The following DDX10 variants were observed in gnomAD, a reference collection of about 807,000 sequenced individuals.
DDX10 encodes DEAD-box helicase 10.
In DDX10, 74 loss-of-function variants were observed where a neutral mutation model predicts 104.3. That is an observed-to-expected ratio of 0.71 (90% CI 0.59 to 0.86). The LOEUF (loss-of-function observed/expected upper bound fraction) is 0.86, where lower values mean the gene tolerates loss of function less well. DDX10 is among the 40% of genes least tolerant of loss of function. DDX10 has a pLI of 0.00. For missense variants in DDX10, 952 were observed against 1,040.0 expected, an observed-to-expected ratio of 0.92 and a Z score of 1.16; for synonymous variants, 351 against 353.4, an observed-to-expected ratio of 0.99 and a Z score of 0.08.
intron 6 of DDX10, among the ~76,000 whole-genome samples, chr11:108,681,744 G>C (rs2094235564): frequency 6.6e-6 from 1 of 152,148 alleles, no homozygotes; most frequent in Admixed American, 6.5e-5. Context: ...ATGCCTTTGG[G>C]CCATAGCAAT....
intron 13 of DDX10, among the ~76,000 whole-genome samples, chr11:108,834,739 A>G (rs1281307467): frequency 1.3e-5 from 2 of 152,034 alleles, no homozygotes; most frequent in African/African-American, 2.4e-5. Context: ...CATCCTGGCT[A>G]ACACAGTGAA....
intron 16 of DDX10, among the ~76,000 whole-genome samples, chr11:108,917,165 C>T (rs933665663): frequency 1.4e-4 from 21 of 151,022 alleles, no homozygotes; most frequent in African/African-American, 4.4e-4. Flanking sequence ...GTCTGGCACA[C>T]GAGATCTTCC....
intron 13 of DDX10, among the ~76,000 whole-genome samples, chr11:108,752,151 C>T (rs892241501): frequency 3.3e-5 from 5 of 152,048 alleles, no homozygotes; most frequent in East Asian, 3.9e-4. Context: ...GTACTGACGT[C>T]GTGAAGTTAC....
chr11:108,790,208 C>T lies in DDX10; in HGVS notation c.1966-48238C>T, dbSNP rs1040544612. 3.3e-5 allele frequency among the ~76,000 whole-genome samples: 5 copies of T among 152,226 alleles called. No homozygotes were observed. The East Asian group carries it at 7.7e-4, about 23-fold the overall frequency. The stretch of plus-strand genomic sequence containing the variant: ...GATGATGTAAGGTTTTTAAAAATTT[C>T]GCTTATTCTTTGACTTCATGTATGT... On this transcript the variant is annotated intron_variant, in intron 13 of 17. Coordinates refer to ENST00000322536, the MANE Select transcript of DDX10 (RefSeq NM_004398.4).
intron 14 of DDX10, among the ~76,000 whole-genome samples, chr11:108,838,781 GAC>G (rs572448734): frequency 1.8e-4 from 28 of 152,302 alleles, no homozygotes; most frequent in African/African-American, 6.5e-4. Context: ...TGGTAATACT[GAC>G]ACAGAGTTGG....
chr11:108,790,659 A>G (rs1366944642), intron 13 of DDX10, among the ~76,000 whole-genome samples: 1 of 152,168 alleles, frequency 6.6e-6, no homozygotes, highest in Admixed American at 6.5e-5. Context: ...AGGTGTACTC[A>G]GATGCATGCA....
At chr11:108,750,229 A>G (rs576629940) in intron 13 of DDX10, among the ~76,000 whole-genome samples, 1 of 152,260 alleles carries the variant, frequency 6.6e-6, no homozygotes, top group African/African-American at 2.4e-5. Flanking sequence ...GCTAACCTCA[A>G]AGGTTTTTTA....
At chr11:108,731,998 C>CT (rs1445257328) in intron 13 of DDX10, among the ~76,000 whole-genome samples, 1 of 152,142 alleles carries the variant, frequency 6.6e-6, no homozygotes, top group Non-Finnish European at 1.5e-5. Context: ...AGGGAACTGG[C>CT]TTTGTTACTT....
In DDX10 at chr11:108,812,586, C is replaced by G. The variant is rs527979195; in HGVS notation, c.1966-25860C>G. Reference sequence around the variant, plus strand: ...CTTAGATATTATTACTCTTTATCAACTTATGCATGTTCTTCTGTAACTGTT... The same window carrying G: ...CTTAGATATTATTACTCTTTATCAAGTTATGCATGTTCTTCTGTAACTGTT... On this transcript the variant is annotated intron_variant, in intron 13 of 17. Transcript: ENST00000322536. Among the ~76,000 whole-genome samples the G allele has an allele frequency of 4.6e-5, 7 of 152,234 alleles. No homozygotes were observed. The South Asian group carries it at 1.2e-3, about 27-fold the overall frequency.
intron 16 of DDX10, among the ~76,000 whole-genome samples, chr11:108,882,335 C>T (rs1350498249): frequency 3.3e-5 from 5 of 152,164 alleles, no homozygotes; most frequent in South Asian, 2.1e-4. Context: ...AGATAACTCT[C>T]GACGCCAGGG....
chr11:108,861,838 A>G (rs1862945214), intron 16 of DDX10, among the ~76,000 whole-genome samples: 1 of 152,190 alleles, frequency 6.6e-6, no homozygotes, highest in African/African-American at 2.4e-5. Flanking sequence ...CCTGGGCAAC[A>G]TGGTTAAACC....
chr11:108,919,606 T>C (rs1025680236), intron 17 of DDX10: 2 of 152,248 alleles, frequency 1.3e-5, no homozygotes. Context: ...TCCATGTAAC[T>C]TGACTCCCTG....
intron 13 of DDX10, chr11:108,822,374 C>A: frequency 2.5e-6 from 1 of 401,370 alleles, no homozygotes; most frequent in Non-Finnish European, 5.0e-6. Flanking sequence ...ATCAAGTCTG[C>A]CCTTTCTGCC....
chr11:108,813,359 T>C (rs547575229), intron 13 of DDX10, among the ~76,000 whole-genome samples: 81 of 152,334 alleles, frequency 5.3e-4, no homozygotes, highest in African/African-American at 1.9e-3. Flanking sequence ...CCTTTACATG[T>C]CTTATTTTAT....
intron 13 of DDX10, among the ~76,000 whole-genome samples, chr11:108,729,510 C>G (rs112176955): frequency 5.3e-5 from 8 of 152,004 alleles, no homozygotes; most frequent in African/African-American, 1.7e-4. Flanking sequence ...CAGTGCAGCT[C>G]GACTGAGCAA....
intron 13 of DDX10, among the ~76,000 whole-genome samples, chr11:108,728,687 A>T (rs991794770): frequency 1.3e-5 from 2 of 151,768 alleles, no homozygotes; most frequent in Non-Finnish European, 2.9e-5. Context: ...GGTAATTTTT[A>T]AAAATTTTTT....
chr11:108,706,542 A>G (rs1334291610), intron 9 of DDX10, among the ~76,000 whole-genome samples, 197 bp from the exon 10 acceptor site: 1 of 152,152 alleles, frequency 6.6e-6, no homozygotes, highest in Non-Finnish European at 1.5e-5. Flanking sequence ...CCTAAAAGTC[A>G]CTGGGAATGA....
chr11:108,822,915 A>G (rs1190018145), intron 13 of DDX10, among the ~76,000 whole-genome samples: 1 of 152,224 alleles, frequency 6.6e-6, no homozygotes, highest in Non-Finnish European at 1.5e-5. Context: ...CTATTTGGCT[A>G]AGATGAAATA....
intron 16 of DDX10, among the ~76,000 whole-genome samples, chr11:108,859,839 G>A (rs1463785597): frequency 5.3e-5 from 8 of 152,154 alleles, no homozygotes; most frequent in Non-Finnish European, 1.0e-4. Flanking sequence ...TGTGGAGACT[G>A]ATACTTAGGA....
Sources: gnomAD v4.1 joint callset for allele counts (sites outside exome capture counted in the v4.1 genomes callset) on GRCh38, gnomAD v4.1.1 for gene constraint, MANE v1.5 for transcripts, NCBI Gene and HGNC (gene_info 2026-07-23, HGNC 2026-07-21) for gene names.